The following PARN variants were observed in gnomAD, a reference collection of about 807,000 sequenced individuals.
PARN encodes the protein poly(A)-specific ribonuclease.
In PARN, 71 loss-of-function variants were observed where a neutral mutation model predicts 102.8. The ratio of observed to expected loss-of-function variants is 0.69; its 90% CI spans 0.57 to 0.84. The LOEUF is 0.84. Among genes scored for constraint, PARN ranks in the 40% least tolerant of loss-of-function variants. PARN has a pLI of 0.00. For missense variants in PARN, 782 were observed against 760.9 expected (o/e 1.03, Z -0.33); for synonymous variants, 261 against 252.9 (o/e 1.03, Z -0.30).
At chr16:14,622,965 A>T (rs1226825881) in intron 5 of PARN, among the ~76,000 whole-genome samples, 1 of 151,950 alleles carries the variant, frequency 6.6e-6, no homozygotes, top group Non-Finnish European at 1.5e-5. Flanking sequence ...TTAGCTGGGC[A>T]TGGTGGCATG....
At chr16:14,498,139 A>G (rs1421009289) in intron 21 of PARN, among the ~76,000 whole-genome samples, 2 of 151,960 alleles carry the variant, frequency 1.3e-5, no homozygotes, top group South Asian at 2.1e-4. Flanking sequence ...AAAAAAAAAA[A>G]AAAAGAATTT....
rs78686253 is a variant in PARN at position 14,556,568 on chromosome 16, C to T, written c.1263-859G>A. Reference sequence around the variant, plus strand: ...ACAAGCAACAAACTGGCATCCTCAACAGTTCCTGGCACTCAGTAGCTGCTC... The same window carrying T: ...ACAAGCAACAAACTGGCATCCTCAATAGTTCCTGGCACTCAGTAGCTGCTC... On this transcript the variant is annotated intron_variant, in intron 18 of 23. Transcript: ENST00000437198. Among the ~76,000 whole-genome samples, 435 of 152,332 alleles carry T rather than the reference C, an allele frequency of 2.9e-3. 4 individuals carry two copies. The highest frequency in any genetic ancestry group is 0.013 in the Admixed American group (193 of 15,300).
At chr16:14,584,497 C>CA in intron 15 of PARN, 75 bp from the exon 16 acceptor site, 1 of 1,217,986 alleles carries the variant, frequency 8.2e-7, no homozygotes, top group Non-Finnish European at 1.2e-6. Flanking sequence ...CACTGACCCC[C>CA]CCAAAAAAAA....
chr16:14,452,548 G>C (rs1280036381), intron 22 of PARN, among the ~76,000 whole-genome samples: 1 of 152,134 alleles, frequency 6.6e-6, no homozygotes, highest in Non-Finnish European at 1.5e-5. Context: ...TGTTGGCCAG[G>C]CTGGTCTTGA....
rs1348210226 is a variant in PARN, at chr16:14,627,200, A to G, written c.246-13T>C. On this transcript the variant is annotated splice_polypyrimidine_tract_variant and intron_variant, in intron 4 of 23. Coordinates refer to ENST00000437198, the MANE Select transcript of PARN (RefSeq NM_002582.4). ...CTTCGTTATATACCTGGGATAAGATAAAAGGAGACTTAGGAGGTGACATTG... is the reference window on the plus strand; with the variant it reads ...CTTCGTTATATACCTGGGATAAGATGAAAGGAGACTTAGGAGGTGACATTG... The G allele has an allele frequency of 6.3e-7, 1 of 1,584,790 alleles. No individual in the cohort carries two copies. The highest frequency in any genetic ancestry group is 1.3e-5 in the African/African-American group (1 of 74,596).
intron 21 of PARN, among the ~76,000 whole-genome samples, chr16:14,547,092 CAAA>C (rs753738742): frequency 8.7e-5 from 8 of 91,562 alleles, no homozygotes; most frequent in Admixed American, 3.6e-4. Flanking sequence ...GACCCTGTCT[CAAA>C]AAAAAAAAAA....
At chr16:14,491,421 G>A (rs544701325) in intron 21 of PARN, among the ~76,000 whole-genome samples, 12 of 152,000 alleles carry the variant, frequency 7.9e-5, no homozygotes, top group African/African-American at 2.7e-4. Context: ...TAGCACCTAG[G>A]GTTTATCATA....
intron 23 of PARN, among the ~76,000 whole-genome samples, chr16:14,441,173 T>C (rs571212364): frequency 6.6e-6 from 1 of 152,274 alleles, no homozygotes; most frequent in African/African-American, 2.4e-5. Flanking sequence ...GGGTATGAGG[T>C]TGGCCGCAGA....
chr16:14,515,871 T>C (rs550571845), intron 21 of PARN, among the ~76,000 whole-genome samples: 8 of 152,166 alleles, frequency 5.3e-5, no homozygotes, highest in Admixed American at 1.3e-4. Context: ...GGCCAGGAGA[T>C]TGAGGCTGCA....
intron 18 of PARN, among the ~76,000 whole-genome samples, chr16:14,559,334 T>G (rs1358051942): frequency 6.6e-6 from 1 of 152,064 alleles, no homozygotes; most frequent in East Asian, 1.9e-4. Flanking sequence ...CTCTAATATT[T>G]CACCTGAATT....
At chr16:14,564,229 T>TA (rs1032205371) in intron 18 of PARN, among the ~76,000 whole-genome samples, 7 of 152,180 alleles carry the variant, frequency 4.6e-5, no homozygotes, top group Non-Finnish European at 7.4e-5. Context: ...CCCTTGTGTA[T>TA]ATAAGAGAAG....
chr16:14,469,920 C>T (rs1035160064), intron 22 of PARN, among the ~76,000 whole-genome samples: 5 of 152,150 alleles, frequency 3.3e-5, no homozygotes, highest in Non-Finnish European at 5.9e-5. Flanking sequence ...TTTCACTTTC[C>T]TAACATCTAA....
In PARN at chr16:14,483,806, ACC is replaced by A. The variant is rs2151598958; in HGVS notation, c.1481-981_1481-980del. Among the ~76,000 whole-genome samples the A allele has an allele frequency of 2.6e-5, 4 of 152,176 alleles. No individual in the cohort carries two copies. The South Asian group carries it at 8.3e-4, about 32-fold the overall frequency. On this transcript the variant is annotated intron_variant, in intron 21 of 23. Transcript: ENST00000437198. Reference sequence around the variant, plus strand: ...GCTTAATTTTGCCTTCTCTTGAGCTACCTATAACTGGAATTACACTACATATG... The same window carrying A: ...GCTTAATTTTGCCTTCTCTTGAGCTATATAACTGGAATTACACTACATATG...
chr16:14,528,071 A>T (rs981264382), intron 21 of PARN, among the ~76,000 whole-genome samples: 1 of 152,246 alleles, frequency 6.6e-6, no homozygotes, highest in South Asian at 2.1e-4. Context: ...ATCTGTGAAT[A>T]ATGAGGACTG....
intron 22 of PARN, among the ~76,000 whole-genome samples, chr16:14,476,968 G>A (rs1963086987): frequency 6.6e-6 from 1 of 152,156 alleles, no homozygotes; most frequent in South Asian, 2.1e-4. Context: ...AGGACAAACA[G>A]GAAACAAACC....
chr16:14,610,960 A>C (rs1038346583), intron 6 of PARN, among the ~76,000 whole-genome samples, 151 bp from the exon 7 acceptor site: 1 of 152,238 alleles, frequency 6.6e-6, no homozygotes, highest in Non-Finnish European at 1.5e-5. Flanking sequence ...TGATTTTGAA[A>C]TGTGTTTATC....
chr16:14,577,074 G>T lies in PARN; in HGVS notation c.1262+3800C>A, dbSNP rs540532185. 3.3e-5 allele frequency among the ~76,000 whole-genome samples: 5 copies of T among 152,308 alleles called. No homozygotes were observed. The South Asian group carries it at 1.0e-3, about 32-fold the overall frequency. On this transcript the variant is annotated intron_variant, in intron 18 of 23. Transcript: ENST00000437198. ...GGTTTACTTTTTAAATGTTAAGTCT[G>T]GTGAGAGCAAAATAAAATATTGTTT...
chr16:14,619,827 T>G (rs1218386259), intron 5 of PARN, among the ~76,000 whole-genome samples: 1 of 151,070 alleles, frequency 6.6e-6, no homozygotes, highest in East Asian at 1.9e-4. Flanking sequence ...ATCCCAGCAC[T>G]TTCGGAGGCT....
At chr16:14,612,802 G>T (rs1971598785) in intron 6 of PARN, among the ~76,000 whole-genome samples, 1 of 151,678 alleles carries the variant, frequency 6.6e-6, no homozygotes, top group East Asian at 2.0e-4. Context: ...TCAACATGTT[G>T]GCCAGGCTGA....
Sources: allele counts gnomAD v4.1 joint callset (sites outside exome capture counted in the v4.1 genomes callset), GRCh38; gene constraint gnomAD v4.1.1; transcripts MANE v1.5; gene names NCBI Gene and HGNC (gene_info 2026-07-23, HGNC 2026-07-21).